The following HELZ variants were observed in gnomAD, a reference collection of about 807,000 sequenced individuals.
HELZ encodes the protein ATP-dependent RNA helicase with zinc finger domain.
A neutral mutation model predicts 218.2 loss-of-function variants in HELZ; 23 were observed. The observed-to-expected ratio is 0.11, with a 90% confidence interval of 0.08 to 0.15. The LOEUF is 0.15. Among genes scored for constraint, HELZ ranks in the 10% least tolerant of loss-of-function variants. The pLI is 1.00. For missense variants in HELZ, 1,813 were observed against 2,353.7 expected (o/e 0.77, Z 4.75); for synonymous variants, 814 against 829.4 (o/e 0.98, Z 0.32).
At chr17:67,194,652 G>C (rs1012598761) in intron 8 of HELZ, among the ~76,000 whole-genome samples, 1 of 152,118 alleles carries the variant, frequency 6.6e-6, no homozygotes, top group African/African-American at 2.4e-5. Flanking sequence ...TTGGATAGGA[G>C]TTTCCAAATA....
At chr17:67,190,517 A>G (rs1446225163) in intron 9 of HELZ, among the ~76,000 whole-genome samples, 162 bp from the exon 10 acceptor site, 1 of 152,232 alleles carries the variant, frequency 6.6e-6, no homozygotes, top group Admixed American at 6.5e-5. Flanking sequence ...GAAGAGGTTT[A>G]GAGAACATTT....
At chr17:67,211,588 C>T (rs775525829) in intron 5 of HELZ, among the ~76,000 whole-genome samples, 21 of 152,078 alleles carry the variant, frequency 1.4e-4, no homozygotes, top group Non-Finnish European at 2.2e-4. Flanking sequence ...GGGCTGGGCA[C>T]GGTGGTTCAC....
chr17:67,197,033 G>A lies in HELZ; in HGVS notation c.430-1563C>T, dbSNP rs554927307. On this transcript the variant is annotated intron_variant, in intron 7 of 32. Coordinates refer to ENST00000358691, the MANE Select transcript of HELZ (RefSeq NM_014877.4). ...AATCTTGCCTTATATCAAGTCACCT[G>A]TGGGTCTTTACTAAGTGATATGGTT... 2.6e-4 allele frequency among the ~76,000 whole-genome samples: 40 copies of A among 152,216 alleles called. No homozygotes were observed. In the South Asian group the frequency reaches 7.5e-3, roughly 28 times the overall value.
chr17:67,089,696 G>GAGAGAGAGAGAC (rs34752223), intron 31 of HELZ, among the ~76,000 whole-genome samples: 1,345 of 121,754 alleles, frequency 0.011, 15 homozygotes, highest in East Asian at 0.018. Context: ...GAGAGAGAGA[G>GAGAGAGAGAGAC]AGAGACAGAG....
chr17:67,165,794 G>A (rs938452573), intron 15 of HELZ, among the ~76,000 whole-genome samples: 3 of 152,046 alleles, frequency 2.0e-5, no homozygotes, highest in East Asian at 1.9e-4. Context: ...TTCTTCTATC[G>A]TACTTCATCC....
rs749350854 is a variant in HELZ, at chr17:67,074,145, C to T, written c.*4107G>A. The T allele has an allele frequency of 9.2e-5, 14 of 151,994 alleles. No individual in the cohort carries two copies. Among genetic ancestry groups the T allele is most frequent in the Non-Finnish European group, 1.6e-4 (11 of 67,946 alleles). 9.4% of individuals were successfully genotyped at this position (151,994 alleles called of 1,614,324 possible). ...CCTTGAGATTCAGGAAGACATATAG[C>T]GCGGCAGTAGAAATTAAGGATTTTC... On this transcript the variant is annotated 3_prime_UTR_variant, in exon 33 of 33. Coordinates refer to ENST00000358691, the MANE Select transcript of HELZ (RefSeq NM_014877.4).
intron 16 of HELZ, 119 bp downstream of exon 16, chr17:67,160,777 CT>C (rs2038972542): frequency 5.6e-6 from 4 of 714,956 alleles, no homozygotes; most frequent in Non-Finnish European, 8.5e-6. Context: ...TTCCTTTTCT[CT>C]TTTTTTCATG....
intron 18 of HELZ, among the ~76,000 whole-genome samples, chr17:67,150,813 A>C (rs2038659700): frequency 6.6e-6 from 1 of 152,228 alleles, no homozygotes. Flanking sequence ...AACAGTATAT[A>C]TTTTAGATTT....
intron 17 of HELZ, among the ~76,000 whole-genome samples, chr17:67,151,540 T>A (rs937096091): frequency 2.0e-5 from 3 of 152,238 alleles, no homozygotes; most frequent in Non-Finnish European, 2.9e-5. Flanking sequence ...GCACTACAAT[T>A]TTTTAAGTTC....
At chr17:67,141,299 C>T (rs575924438) in intron 21 of HELZ, among the ~76,000 whole-genome samples, 1 of 152,102 alleles carries the variant, frequency 6.6e-6, no homozygotes, top group South Asian at 2.1e-4. Flanking sequence ...TTGACAGTAA[C>T]GGCACAAAGG....
intron 12 of HELZ, among the ~76,000 whole-genome samples, chr17:67,182,041 G>A (rs2039627056): frequency 6.6e-6 from 1 of 152,142 alleles, no homozygotes; most frequent in South Asian, 2.1e-4. Context: ...TCCACCTACA[G>A]CACATGCGTA....
rs1194945040 is a variant in HELZ at position 67,078,225 on chromosome 17, T to C, written c.*27A>G. On this transcript the variant is annotated 3_prime_UTR_variant, in exon 33 of 33. Transcript: ENST00000358691. ...ACTGATACAAACAGAAATTAAAACATTCTCCCTTGAGGGAAAAAAAAAGTG... is the reference window on the plus strand; with the variant it reads ...ACTGATACAAACAGAAATTAAAACACTCTCCCTTGAGGGAAAAAAAAAGTG... The C allele has an allele frequency of 6.6e-7, 1 of 1,515,060 alleles. No individual in the cohort carries two copies. Among genetic ancestry groups the C allele is most frequent in the Non-Finnish European group, 9.1e-7 (1 of 1,095,650 alleles). 93.9% of individuals were successfully genotyped at this position (1,515,060 alleles called of 1,614,324 possible). A position where few individuals can be genotyped will look rare whatever the true frequency, so the allele number is the denominator to read the frequency against.
At chr17:67,225,046 C>CT in intron 3 of HELZ, 1 of 624,412 alleles carries the variant, frequency 1.6e-6, no homozygotes, top group Non-Finnish European at 2.9e-6. Context: ...TTCTATGTGT[C>CT]ATCTTTTATT....
chr17:67,113,156 A>G (rs1407864116), intron 28 of HELZ, among the ~76,000 whole-genome samples: 2 of 152,212 alleles, frequency 1.3e-5, no homozygotes, highest in African/African-American at 4.8e-5. Context: ...AGGCTAAAAG[A>G]GATCTAAATA....
chr17:67,188,093 T>C lies in HELZ; in HGVS notation c.1162+226A>G, dbSNP rs1198255741. 2.1e-6 allele frequency: 1 copy of C among 467,392 alleles called. No homozygotes were observed. The highest frequency in any genetic ancestry group is 1.9e-5 in the African/African-American group (1 of 51,362). 29.0% of individuals were successfully genotyped at this position (467,392 alleles called of 1,614,324 possible). On this transcript the variant is annotated intron_variant, in intron 12 of 32. Coordinates refer to ENST00000358691, the MANE Select transcript of HELZ (RefSeq NM_014877.4). The surrounding 1 kb of genome is among the most constrained non-coding windows in gnomAD (Gnocchi z 4.1). ...GGTCTGATCATCTACTCATACAAGT[T>C]TGGGGAACCTCAAAGTTCAAGCTTT...
At chr17:67,244,491 G>A in intron 1 of HELZ, 1 of 538,806 alleles carries the variant, frequency 1.9e-6, no homozygotes, top group Non-Finnish European at 2.4e-6. Context: ...AAAGGGTACT[G>A]GAGTACTCTC....
At chr17:67,080,221 C>G (rs576186346) in intron 32 of HELZ, among the ~76,000 whole-genome samples, 4 of 152,254 alleles carry the variant, frequency 2.6e-5, no homozygotes, top group African/African-American at 9.6e-5. Flanking sequence ...ATTGAATAAT[C>G]CATCCCTTCT....
At chr17:67,202,863 C>A (rs990191927) in intron 6 of HELZ, among the ~76,000 whole-genome samples, 3 of 152,136 alleles carry the variant, frequency 2.0e-5, no homozygotes, top group African/African-American at 7.2e-5. Flanking sequence ...GGGGCTCACA[C>A]CTATAATCCC....
At chr17:67,079,402 AACTT>A (rs1242265791) in intron 32 of HELZ, among the ~76,000 whole-genome samples, 8 of 152,316 alleles carry the variant, frequency 5.3e-5, no homozygotes, top group African/African-American at 1.9e-4. Flanking sequence ...AGTATTTCAT[AACTT>A]ACTTATGTAA....
Sources: allele counts gnomAD v4.1 joint callset (sites outside exome capture counted in the v4.1 genomes callset), GRCh38; gene constraint gnomAD v4.1.1; non-coding constraint Gnocchi (gnomAD v3.1); transcripts MANE v1.5; gene names NCBI Gene and HGNC (gene_info 2026-07-23, HGNC 2026-07-21).